Variants in SH3BP5L observed in about 807,000 individuals in gnomAD.
SH3BP5L encodes SH3 binding domain protein 5 like.
A neutral mutation model predicts 40.9 loss-of-function variants in SH3BP5L; 16 were observed. That is an observed-to-expected ratio of 0.39 (90% CI 0.27 to 0.59). SH3BP5L has a LOEUF of 0.59. Among genes scored for constraint, SH3BP5L ranks in the 20% least tolerant of loss-of-function variants. SH3BP5L has a pLI of 0.53. For synonymous variants in SH3BP5L, 229 were observed against 226.7 expected (o/e 1.01, Z -0.09); for missense variants, 471 against 544.6 (o/e 0.86, Z 1.35).
intron 4 of SH3BP5L, chr1:248,814,954 ATGAC>A: frequency 2.6e-6 from 1 of 387,766 alleles, no homozygotes; most frequent in Non-Finnish European, 4.9e-6. Context: ...TACAGAAAAG[ATGAC>A]CTTGAGACCA....
chr1:248,811,848 G>A lies in SH3BP5L; in HGVS notation c.*52C>T, dbSNP rs1663936658. 16 of 1,320,520 alleles carry A rather than the reference G, an allele frequency of 1.2e-5. No individual in the cohort carries two copies. The highest frequency in any genetic ancestry group is 1.5e-5 in the Non-Finnish European group (15 of 978,616). 81.8% of individuals were successfully genotyped at this position (1,320,520 alleles called of 1,614,324 possible). On this transcript the variant is annotated 3_prime_UTR_variant, in exon 7 of 7. Coordinates refer to ENST00000366472, the MANE Select transcript of SH3BP5L (RefSeq NM_030645.3). ...AGGAGAGGGCGTGAGAAGACTGTGGGCCCCAACCGGCCCGTGGTGGCAGAT... is the reference window on the plus strand; with the variant it reads ...AGGAGAGGGCGTGAGAAGACTGTGGACCCCAACCGGCCCGTGGTGGCAGAT...
Position 248,812,208 on chromosome 1 carries a change from C to A in SH3BP5L, c.874G>T (p.Val292Leu). 6.2e-7 allele frequency: 1 copy of A among 1,603,074 alleles called. No homozygotes were observed. The highest frequency in any genetic ancestry group is 8.5e-7 in the Non-Finnish European group (1 of 1,175,854). ...HPLGPRRSSP[V>L]GAEAGPEDME... ...TCCTCGGGTCCTGCCTCGGCCCCCA[C>A]GGGGGAGGAGCGCCGAGGGCCCAGG... is the stretch of plus-strand genomic sequence containing the variant. Residue 292 changes from valine to leucine, a missense_variant, in exon 7 of 7, where the codon GTG becomes TTG. Physicochemically the swap from Val to Leu is conservative, Grantham distance 32. Around this residue, in one of 2 missense-constraint regions of SH3BP5L, gnomAD observed 196 missense variants for 174.6 expected, o/e 1.12. Coordinates refer to ENST00000366472, the MANE Select transcript of SH3BP5L (RefSeq NM_030645.3). The surrounding 1 kb of genome is among the most constrained non-coding windows in gnomAD (Gnocchi z 6.1).
At position 248,824,946 on chromosome 1, in the gene SH3BP5L, G is replaced by C. The variant is rs1368799838; in HGVS notation, c.-11C>G. 1 of 1,610,122 alleles carries C rather than the reference G, an allele frequency of 6.2e-7. No homozygotes were observed. The highest frequency in any genetic ancestry group is 8.5e-7 in the Non-Finnish European group (1 of 1,178,418). On this transcript the variant is annotated 5_prime_UTR_variant, in exon 2 of 7. Coordinates refer to ENST00000366472, the MANE Select transcript of SH3BP5L (RefSeq NM_030645.3). ...TCTGAGCTCAGCCATGCTGACAGGG[G>C]GAGGGCAGAGCCCTATGCACAAGAG...
At chr1:248,814,670 C>A (rs1664051686) in intron 4 of SH3BP5L, 60 bp from the exon 5 acceptor site, 1 of 1,566,250 alleles carries the variant, frequency 6.4e-7, no homozygotes, top group Admixed American at 1.7e-5. Context: ...CCCATGGAGA[C>A]CCATAATAGA....
At position 248,812,338 on chromosome 1, in the gene SH3BP5L, C is replaced by T; in HGVS notation, c.744G>A (p.Gln248=). The T allele has an allele frequency of 6.2e-7, 1 of 1,607,782 alleles. No homozygotes were observed. The highest frequency in any genetic ancestry group is 1.1e-5 in the South Asian group (1 of 91,082). ...AGCGCGTCTTGGCCTGAGCTACCTG[C>T]TGCTCCAGTTCTGTCACCTTGGCCT... The part of the protein sequence containing the change: ...EHKAKVTELE[Q]QVAQAKTRYS... Residue 248 remains glutamine, a synonymous_variant, in exon 7 of 7, where the codon CAG becomes CAA. Transcript: ENST00000366472. This position sits in a 1 kb window ranked among gnomAD's most constrained non-coding sequence, Gnocchi z 6.1.
In SH3BP5L at chr1:248,825,887, C is replaced by T. The variant is rs185474849; in HGVS notation, c.-484G>A. On this transcript the variant is annotated 5_prime_UTR_variant, in exon 1 of 7. Transcript: ENST00000366472. ...TTCTATGCTGCAAACAATCTCCCCCCCTCCCTCCCCGCAACAAGCCGATCC... is the reference window on the plus strand; with the variant it reads ...TTCTATGCTGCAAACAATCTCCCCCTCTCCCTCCCCGCAACAAGCCGATCC... 2.7e-5 allele frequency: 26 copies of T among 975,300 alleles called. No individual in the cohort carries two copies. Among genetic ancestry groups the T allele is most frequent in the South Asian group, 9.5e-5 (2 of 21,120 alleles). 60.4% of individuals were successfully genotyped at this position (975,300 alleles called of 1,614,324 possible). A position where few individuals can be genotyped will look rare whatever the true frequency, so the allele number is the denominator to read the frequency against.
intron 5 of SH3BP5L, chr1:248,814,128 G>A: frequency 3.1e-6 from 1 of 322,596 alleles, no homozygotes; most frequent in South Asian, 4.0e-5. Flanking sequence ...CAGAAGCGAG[G>A]AGTCACACAG....
chr1:248,816,583 C>T lies in SH3BP5L; in HGVS notation c.326G>A (p.Cys109Tyr). 1 of 1,614,194 alleles carries T rather than the reference C, an allele frequency of 6.2e-7. No homozygotes were observed. Among genetic ancestry groups the T allele is most frequent in the Non-Finnish European group, 8.5e-7 (1 of 1,180,050 alleles). Residue 109 changes from cysteine to tyrosine, a missense_variant, in exon 4 of 7, where the codon TGC becomes TAC. Physicochemically the swap from Cys to Tyr is radical, Grantham distance 194. Transcript: ENST00000366472. ...LNTQGSHLGS[C>Y]IEKARPYYEA... ...ATAGTAGGGCCGGGCTTTCTCGATGCAGCTCCCCAAGTGGGAACCCTGTGT... is the reference window on the plus strand; with the variant it reads ...ATAGTAGGGCCGGGCTTTCTCGATGTAGCTCCCCAAGTGGGAACCCTGTGT...
Position 248,812,352 on chromosome 1 carries a change from T to C in SH3BP5L, c.730A>G (p.Thr244Ala). The change falls in exon 7 of 7, where the codon ACA (threonine) becomes GCA (alanine). Residue 244 changes from threonine to alanine, a missense_variant. Thr to Ala is a moderately conservative substitution (Grantham distance 58, BLOSUM62 0). Transcript: ENST00000366472. This position sits in a 1 kb window ranked among gnomAD's most constrained non-coding sequence, Gnocchi z 6.1. Reference protein sequence around the residue: ...QILEEHKAKVTELEQQVAQAK... With the variant: ...QILEEHKAKVAELEQQVAQAK... Reference sequence around the variant, plus strand: ...TGAGCTACCTGCTGCTCCAGTTCTGTCACCTTGGCCTTGTGCTCCTGCAGA... The same window carrying C: ...TGAGCTACCTGCTGCTCCAGTTCTGCCACCTTGGCCTTGTGCTCCTGCAGA... 1 of 1,605,686 alleles carries C rather than the reference T, an allele frequency of 6.2e-7. No individual in the cohort carries two copies. Among genetic ancestry groups the C allele is most frequent in the Non-Finnish European group, 8.5e-7 (1 of 1,179,928 alleles).
chr1:248,816,430 G>T, intron 4 of SH3BP5L, 104 bp downstream of exon 4: 1 of 1,482,796 alleles, frequency 6.7e-7, no homozygotes, highest in Non-Finnish European at 9.2e-7. Flanking sequence ...CCAGGGCTCT[G>T]CCCTCAGGGT....
At chr1:248,815,851 T>C (rs1454565877) in intron 4 of SH3BP5L, among the ~76,000 whole-genome samples, 1 of 152,226 alleles carries the variant, frequency 6.6e-6, no homozygotes, top group Non-Finnish European at 1.5e-5. Context: ...TGCTTTCTCC[T>C]TCACTTCTGC....
chr1:248,814,740 T>C (rs1283113091), intron 4 of SH3BP5L, 130 bp from the exon 5 acceptor site: 5 of 866,518 alleles, frequency 5.8e-6, no homozygotes, highest in Non-Finnish European at 9.5e-6. Context: ...TCCCAAACTG[T>C]GCTGAGGATA....
In SH3BP5L at chr1:248,812,858, C is replaced by T; in HGVS notation, c.711+131G>A. On this transcript the variant is annotated intron_variant, in intron 6 of 6. Transcript: ENST00000366472. The surrounding 1 kb of genome is among the most constrained non-coding windows in gnomAD (Gnocchi z 6.1). ...GTCATTTGGAACATGTGTGCCACCACCCTTCCCCACCGCTAGCCGGAGGCC... is the reference window on the plus strand; with the variant it reads ...GTCATTTGGAACATGTGTGCCACCATCCTTCCCCACCGCTAGCCGGAGGCC... The T allele has an allele frequency of 1.3e-6, 1 of 771,250 alleles. No individual in the cohort carries two copies. Among genetic ancestry groups the T allele is most frequent in the African/African-American group, 1.8e-5 (1 of 56,488 alleles). The allele number at this position is 771,250 out of a possible 1,614,324, so 47.8% of individuals were successfully genotyped here.
intron 2 of SH3BP5L, among the ~76,000 whole-genome samples, chr1:248,823,748 G>T (rs1229738262): frequency 6.6e-6 from 1 of 152,148 alleles, no homozygotes; most frequent in African/African-American, 2.4e-5. Flanking sequence ...TCCAATAAAG[G>T]TTTGCTGACA....
intron 3 of SH3BP5L, 28 bp from the exon 4 acceptor site, chr1:248,816,690 C>T: frequency 6.2e-7 from 1 of 1,613,930 alleles, no homozygotes; most frequent in Non-Finnish European, 8.5e-7. Flanking sequence ...AGAGGAAAGG[C>T]ACATGTTTGG....
intron 2 of SH3BP5L, among the ~76,000 whole-genome samples, chr1:248,819,895 T>C (rs879707794): frequency 1.2e-4 from 18 of 152,036 alleles, no homozygotes; most frequent in Non-Finnish European, 1.5e-5. Context: ...GAGCTGCACA[T>C]GGAATTTTTA....
In SH3BP5L at chr1:248,812,059, C is replaced by T. The variant is rs1663952816; in HGVS notation, c.1023G>A (p.Val341=). Residue 341 remains valine (V), a synonymous_variant, in exon 7 of 7, where the codon GTG becomes GTA. Transcript: ENST00000366472. The surrounding 1 kb of genome is among the most constrained non-coding windows in gnomAD (Gnocchi z 6.1). ...AGTCGCACTTCTGCAGGTCTGAAGC[C>T]ACCGTGCGCAGGCTCAGCAGACTCA... ...DTLSLLSLRT[V]ASDLQKCDSV... 1 of 1,612,944 alleles carries T rather than the reference C, an allele frequency of 6.2e-7. No homozygotes were observed. The highest frequency in any genetic ancestry group is 1.3e-5 in the African/African-American group (1 of 74,904).
Position 248,812,367 on chromosome 1 carries a change from G to A in SH3BP5L, c.715C>T (p.His239Tyr). The change falls in exon 7 of 7, where the codon CAC becomes TAC. Residue 239 changes from histidine to tyrosine, a missense_variant. Physicochemically the swap from His to Tyr is moderately conservative, Grantham distance 83. Transcript: ENST00000366472. The surrounding 1 kb of genome is among the most constrained non-coding windows in gnomAD (Gnocchi z 6.1). ...TCCAGTTCTGTCACCTTGGCCTTGT[G>A]CTCCTGCAGAGGGCAGAGCAGAGCA... ...KAQFSQILEEHKAKVTELEQQ... is the reference protein window; with the variant it reads ...KAQFSQILEEYKAKVTELEQQ... 1 of 1,603,564 alleles carries A rather than the reference G, an allele frequency of 6.2e-7. No homozygotes were observed. Among genetic ancestry groups the A allele is most frequent in the Non-Finnish European group, 8.5e-7 (1 of 1,179,858 alleles).
Position 248,825,035 on chromosome 1 carries a change from AAG to A in SH3BP5L, c.-102_-101del. The A allele has an allele frequency of 6.8e-7, 1 of 1,480,328 alleles. No individual in the cohort carries two copies. The highest frequency in any genetic ancestry group is 1.4e-5 in the African/African-American group (1 of 70,984). 91.7% of individuals were successfully genotyped at this position (1,480,328 alleles called of 1,614,324 possible). ...TTCCTGGGCTCTAGATGGCCAGGAG[AAG>A]AGTTTCTCTTCTCAAAAGGCAGAAA... On this transcript the variant is annotated 5_prime_UTR_variant, in exon 2 of 7. Transcript: ENST00000366472.
Sources: gnomAD v4.1 joint callset for allele counts (sites outside exome capture counted in the v4.1 genomes callset) on GRCh38, gnomAD v4.1.1 for gene constraint, gnomAD v4.1.1 regional missense constraint, Gnocchi (gnomAD v3.1) non-coding constraint, MANE v1.5 for transcripts, NCBI Gene and HGNC (gene_info 2026-07-23, HGNC 2026-07-21) for gene names.